GREM1: variants seen among roughly 807,000 people sequenced by gnomAD.
The protein encoded by GREM1 is gremlin-1.
Under a neutral mutation model 13.1 loss-of-function variants are expected in GREM1, and 6 were observed. The observed-to-expected ratio is 0.46, with a 90% CI of 0.25 to 0.91. GREM1 has a LOEUF of 0.91. Among genes scored for constraint, GREM1 ranks in the 40% least tolerant of loss-of-function variants. The pLI is 0.18. For missense variants in GREM1, 185 were observed against 233.9 expected, an observed-to-expected ratio of 0.79 and a Z score of 1.36; for synonymous variants, 98 against 93.7, an observed-to-expected ratio of 1.05 and a Z score of -0.27.
Position 32,718,038 on chromosome 15 carries a change from T to G in GREM1, c.-125T>G. 1 of 1,158,156 alleles carries G rather than the reference T, an allele frequency of 8.6e-7. No individual in the cohort carries two copies. Among genetic ancestry groups the G allele is most frequent in the South Asian group, 2.2e-5 (1 of 45,266 alleles). 71.7% of individuals were successfully genotyped at this position (1,158,156 alleles called of 1,614,324 possible). A position where few individuals can be genotyped will look rare whatever the true frequency, so the allele number is the denominator to read the frequency against. On this transcript the variant is annotated 5_prime_UTR_variant, in exon 1 of 2. Transcript: ENST00000651154. ...GCCTTCCGCGGACCGGGCGACCCAG[T>G]GCACGGCCGCCGCGTCACTCTCGGT...
Position 32,735,315 on chromosome 15 carries a change from T to A in GREM1, c.*4070T>A, listed in dbSNP as rs554795702. ...TGTATGGGATGGTTACACCAGACACTGTGCTAAGGATTTTCTTTGAATTGT... is the reference window on the plus strand; with the variant it reads ...TGTATGGGATGGTTACACCAGACACAGTGCTAAGGATTTTCTTTGAATTGT... On this transcript the variant is annotated 3_prime_UTR_variant, in exon 2 of 2. Transcript: ENST00000651154. The A allele has an allele frequency of 6.6e-6, 1 of 152,214 alleles. No homozygotes were observed. The allele number at this position is 152,214 out of a possible 1,614,324, so 9.4% of individuals were successfully genotyped here.
rs1270861476 is a variant in GREM1, at chr15:32,744,588, AAAG to A, written c.*13346_*13348del. The A allele has an allele frequency of 6.6e-6, 1 of 151,678 alleles. No homozygotes were observed. Among genetic ancestry groups the A allele is most frequent in the Non-Finnish European group, 1.5e-5 (1 of 67,934 alleles). 9.4% of individuals were successfully genotyped at this position (151,678 alleles called of 1,614,324 possible). ...ACTCAGCTTCAAAAAAAAAAAAAAA[AAAG>A]AAAGTTTCAGATATTATTGTTTATT... On this transcript the variant is annotated 3_prime_UTR_variant, in exon 2 of 2. Transcript: ENST00000651154.
At chr15:32,719,752 T>C (rs1257214256) in intron 1 of GREM1, among the ~76,000 whole-genome samples, 1 of 152,220 alleles carries the variant, frequency 6.6e-6, no homozygotes. Context: ...GGCTTCCTTC[T>C]GGCTGTACAC....
At chr15:32,719,302 G>C (rs569873929) in intron 1 of GREM1, among the ~76,000 whole-genome samples, 3 of 152,330 alleles carry the variant, frequency 2.0e-5, no homozygotes, top group East Asian at 3.9e-4. Flanking sequence ...CTCCTCCTTG[G>C]GGGTGCCCCA....
chr15:32,723,143 A>C lies in GREM1; in HGVS notation c.-2+4982A>C, dbSNP rs533838080. Reference sequence around the variant, plus strand: ...AATTTTTACTATGGGACACCCTTCTACATGTTGCTGTGGAAAAGAATTGTC... The same window carrying C: ...AATTTTTACTATGGGACACCCTTCTCCATGTTGCTGTGGAAAAGAATTGTC... On this transcript the variant is annotated intron_variant, in intron 1 of 1. Transcript: ENST00000651154. Among the ~76,000 whole-genome samples the C allele has an allele frequency of 1.2e-4, 18 of 152,348 alleles. No homozygotes were observed. The East Asian group carries it at 3.1e-3, about 26-fold the overall frequency.
At chr15:32,730,019 G>A (rs2055587687) in intron 1 of GREM1, among the ~76,000 whole-genome samples, 1 of 152,208 alleles carries the variant, frequency 6.6e-6, no homozygotes, top group Non-Finnish European at 1.5e-5. Context: ...AGTTGGATCT[G>A]AACAGCGTAC....
intron 1 of GREM1, among the ~76,000 whole-genome samples, chr15:32,727,606 C>A (rs868059793): frequency 6.6e-6 from 1 of 152,170 alleles, no homozygotes; most frequent in African/African-American, 2.4e-5. Flanking sequence ...TCTCTCACCA[C>A]TCCTATTCAA....
Position 32,719,440 on chromosome 15 carries a change from A to G in GREM1, c.-2+1279A>G, listed in dbSNP as rs9806137. Among the ~76,000 whole-genome samples the G allele has an allele frequency of 0.33, 50,500 of 152,068 alleles. 10,568 individuals are homozygous for G. The highest frequency in any genetic ancestry group is 0.69 in the East Asian group (3,537 of 5,158). ...GCGCGCCCGGAGCTGTCCCTAATGCATTCCCGGGTCGAATCCGTCTACTGC... is the reference window on the plus strand; with the variant it reads ...GCGCGCCCGGAGCTGTCCCTAATGCGTTCCCGGGTCGAATCCGTCTACTGC... On this transcript the variant is annotated intron_variant, in intron 1 of 1. Coordinates refer to ENST00000651154, the MANE Select transcript of GREM1 (RefSeq NM_013372.7).
Position 32,733,958 on chromosome 15 carries a change from G to T in GREM1, c.*2713G>T, listed in dbSNP as rs189731184. On this transcript the variant is annotated 3_prime_UTR_variant, in exon 2 of 2. Transcript: ENST00000651154. ...GAGGATAATTTCCACTGTGTGGAAT[G>T]TGAATAGTTAAATGAAAAGTTATGG... 1 of 241,262 alleles carries T rather than the reference G, an allele frequency of 4.1e-6. No individual in the cohort carries two copies. The highest frequency in any genetic ancestry group is 6.4e-5 in the East Asian group (1 of 15,594). The allele number at this position is 241,262 out of a possible 1,614,324, so 14.9% of individuals were successfully genotyped here.
In GREM1 at chr15:32,733,192, T is replaced by C. The variant is rs2055650147; in HGVS notation, c.*1947T>C. ...CATAGTGTGTGTGTTTTGTATACAC[T>C]GTATGACCCCACCCCAAATCTTTGT... On this transcript the variant is annotated 3_prime_UTR_variant, in exon 2 of 2. Transcript: ENST00000651154. 4.4e-6 allele frequency: 1 copy of C among 227,662 alleles called. No homozygotes were observed. The highest frequency in any genetic ancestry group is 1.9e-4 in the South Asian group (1 of 5,328). The allele number at this position is 227,662 out of a possible 1,614,324, so 14.1% of individuals were successfully genotyped here.
chr15:32,722,127 G>C (rs550610751), intron 1 of GREM1, among the ~76,000 whole-genome samples: 41 of 152,272 alleles, frequency 2.7e-4, no homozygotes, highest in African/African-American at 9.9e-4. Context: ...TCTCCTTGGT[G>C]CAACTTGTCT....
rs2055723556 is a variant in GREM1, at chr15:32,738,107, A to ACAAC, written c.*6862_*6863insCAAC. On this transcript the variant is annotated 3_prime_UTR_variant, in exon 2 of 2. Transcript: ENST00000651154. ...GCAAAAAAAAAAAAAAAAAAAAAAA[A>ACAAC]AAAAAAAAAAAAAAAAAAAAAAAAA... The ACAAC allele has an allele frequency of 3.1e-5, 3 of 98,154 alleles. No homozygotes were observed. The highest frequency in any genetic ancestry group is 6.1e-4 in the South Asian group (2 of 3,278). 6.1% of individuals were successfully genotyped at this position (98,154 alleles called of 1,614,324 possible).
rs1359012532 is a variant in GREM1 at position 32,740,494 on chromosome 15, C to T, written c.*9249C>T. 1 of 151,734 alleles carries T rather than the reference C, an allele frequency of 6.6e-6. No homozygotes were observed. Among genetic ancestry groups the T allele is most frequent in the Non-Finnish European group, 1.5e-5 (1 of 67,944 alleles). The allele number at this position is 151,734 out of a possible 1,614,324, so 9.4% of individuals were successfully genotyped here. A position where few individuals can be genotyped will look rare whatever the true frequency, so the allele number is the denominator to read the frequency against. ...GACATCAACAGGAGACAAGATTAATCAGAAGAAAGAATCAATGAACTTGAA... is the reference window on the plus strand; with the variant it reads ...GACATCAACAGGAGACAAGATTAATTAGAAGAAAGAATCAATGAACTTGAA... On this transcript the variant is annotated 3_prime_UTR_variant, in exon 2 of 2. Transcript: ENST00000651154.
At chr15:32,718,758 G>A in intron 1 of GREM1, 1 of 314,578 alleles carries the variant, frequency 3.2e-6, no homozygotes, top group Non-Finnish European at 6.4e-6. Context: ...GCGGAAAACC[G>A]AACGGTGGGT....
intron 1 of GREM1, among the ~76,000 whole-genome samples, chr15:32,727,239 C>T (rs2055526964): frequency 6.6e-6 from 1 of 152,150 alleles, no homozygotes; most frequent in Admixed American, 6.5e-5. Context: ...CCCTGATGAA[C>T]ATTGATGTGA....
chr15:32,731,850 T>G lies in GREM1; in HGVS notation c.*605T>G. On this transcript the variant is annotated 3_prime_UTR_variant, in exon 2 of 2. Coordinates refer to ENST00000651154, the MANE Select transcript of GREM1 (RefSeq NM_013372.7). ...TTCATTTTGTGAAGACCCTCCAGAC[T>G]CTGGGAGAGGCTGGTGTGGGCAAGG... The G allele has an allele frequency of 4.3e-6, 1 of 231,076 alleles. No homozygotes were observed. Among genetic ancestry groups the G allele is most frequent in the Non-Finnish European group, 9.3e-6 (1 of 107,604 alleles). 14.3% of individuals were successfully genotyped at this position (231,076 alleles called of 1,614,324 possible).
intron 1 of GREM1, among the ~76,000 whole-genome samples, chr15:32,721,261 T>C (rs1595844191): frequency 6.6e-6 from 1 of 151,652 alleles, no homozygotes; most frequent in South Asian, 2.1e-4. Context: ...GATTCCCTGA[T>C]TGGTAAAAGG....
rs1490644446 is a variant in GREM1 at position 32,743,462 on chromosome 15, T to C, written c.*12217T>C. On this transcript the variant is annotated 3_prime_UTR_variant, in exon 2 of 2. Coordinates refer to ENST00000651154, the MANE Select transcript of GREM1 (RefSeq NM_013372.7). ...TGAAGTATCCTATAGTACTTATATA[T>C]TGCTTGGTAACAAATTATGCCAAAA... 6.6e-6 allele frequency: 1 copy of C among 152,220 alleles called. No homozygotes were observed. Among genetic ancestry groups the C allele is most frequent in the Non-Finnish European group, 1.5e-5 (1 of 68,050 alleles). 9.4% of individuals were successfully genotyped at this position (152,220 alleles called of 1,614,324 possible). A position where few individuals can be genotyped will look rare whatever the true frequency, so the allele number is the denominator to read the frequency against.
chr15:32,730,505 A>G (rs1395725045), intron 1 of GREM1, among the ~76,000 whole-genome samples, 185 bp from the exon 2 acceptor site: 2 of 152,210 alleles, frequency 1.3e-5, no homozygotes, highest in African/African-American at 2.4e-5. Context: ...GAGTTACTCC[A>G]TGGATTGATG....
Sources: gnomAD v4.1 joint callset for allele counts (sites outside exome capture counted in the v4.1 genomes callset) on GRCh38, gnomAD v4.1.1 for gene constraint, MANE v1.5 for transcripts, NCBI Gene and HGNC (gene_info 2026-07-23, HGNC 2026-07-21) for gene names.